The following STAG1 variants were observed in gnomAD, a reference collection of about 807,000 sequenced individuals.
STAG1 encodes cohesin subunit SA-1.
In STAG1, 26 loss-of-function variants were observed where a neutral mutation model predicts 170.9. That is an observed-to-expected ratio of 0.15 (90% CI 0.11 to 0.21). The LOEUF (loss-of-function observed/expected upper bound fraction) is 0.21, where lower values mean the gene tolerates loss of function less well. Among genes scored for constraint, STAG1 ranks in the 10% least tolerant of loss-of-function variants. STAG1 has a pLI of 1.00. For missense variants in STAG1, 964 were observed against 1,509.5 expected (o/e 0.64, Z 5.99); for synonymous variants, 514 against 497.7 (o/e 1.03, Z -0.44).
chr3:136,369,548 T>C (rs1280149920), intron 23 of STAG1, among the ~76,000 whole-genome samples: 4 of 152,156 alleles, frequency 2.6e-5, no homozygotes, highest in Non-Finnish European at 4.4e-5. Context: ...CTCATTAAGA[T>C]AGTTTGACTT....
intron 22 of STAG1, among the ~76,000 whole-genome samples, chr3:136,388,609 C>T (rs561418719): frequency 2.0e-5 from 3 of 152,082 alleles, no homozygotes; most frequent in South Asian, 4.2e-4. Context: ...CCTCCAGATC[C>T]GCCCACCTCA....
At chr3:136,562,305 G>C (rs962708342) in intron 5 of STAG1, among the ~76,000 whole-genome samples, 51 of 150,522 alleles carry the variant, frequency 3.4e-4, no homozygotes, top group African/African-American at 1.2e-3. Context: ...CTGTTGCCCA[G>C]CCTGGAGTGC....
At chr3:136,420,656 G>A (rs751070915) in intron 20 of STAG1, among the ~76,000 whole-genome samples, 4 of 152,192 alleles carry the variant, frequency 2.6e-5, no homozygotes, top group Non-Finnish European at 5.9e-5. Context: ...TCACAGGTAC[G>A]ATCATGGGCC....
intron 20 of STAG1, among the ~76,000 whole-genome samples, chr3:136,420,244 CAAAAAAAAA>C (rs71157379): frequency 5.4e-5 from 2 of 36,956 alleles, no homozygotes; most frequent in Non-Finnish European, 1.1e-4. Context: ...GAGACTCTGT[CAAAAAAAAA>C]AAAAAAAAAA....
intron 1 of STAG1, among the ~76,000 whole-genome samples, chr3:136,724,116 T>A (rs577054192): frequency 1.3e-5 from 2 of 151,622 alleles, no homozygotes; most frequent in Admixed American, 6.5e-5. Flanking sequence ...CAACAGCTCA[T>A]TGAGAACGGG....
intron 5 of STAG1, among the ~76,000 whole-genome samples, chr3:136,561,391 G>C (rs1936835359): frequency 1.3e-5 from 2 of 152,128 alleles, no homozygotes; most frequent in Admixed American, 6.5e-5. Context: ...TTTGTTGTTT[G>C]TTTTTGCCCT....
At chr3:136,736,634 C>T in intron 1 of STAG1, 6 of 1,603,400 alleles carry the variant, frequency 3.7e-6, no homozygotes, top group Non-Finnish European at 2.6e-6. Flanking sequence ...TTTTCTGCCA[C>T]TCTCTTTCCC....
chr3:136,367,152 T>C (rs1937105843), intron 24 of STAG1, 70 bp from the exon 25 acceptor site: 26 of 1,285,920 alleles, frequency 2.0e-5, no homozygotes, highest in South Asian at 3.1e-5. Flanking sequence ...AGATAATCTG[T>C]ATAATTGAAA....
intron 1 of STAG1, among the ~76,000 whole-genome samples, chr3:136,640,400 G>A (rs1243301698): frequency 1.2e-4 from 17 of 142,644 alleles, no homozygotes; most frequent in Admixed American, 2.9e-4. Flanking sequence ...ACGGAGTCTC[G>A]CTCTGTCGCC....
rs1935772370 is a variant in STAG1 at position 136,338,071 on chromosome 3, A to G, written c.*183T>C. The G allele has an allele frequency of 7.0e-6, 4 of 570,420 alleles. No homozygotes were observed. The highest frequency in any genetic ancestry group is 2.6e-5 in the South Asian group (1 of 39,194). The allele number at this position is 570,420 out of a possible 1,614,324, so 35.3% of individuals were successfully genotyped here. A position where few individuals can be genotyped will look rare whatever the true frequency, so the allele number is the denominator to read the frequency against. On this transcript the variant is annotated 3_prime_UTR_variant, in exon 34 of 34. Transcript: ENST00000383202. ...AGTCTTTCTGAGTTGACATTCACCA[A>G]CATTCCCTTGGGTAATTTACATGCT...
chr3:136,477,537 C>G (rs956259959), intron 9 of STAG1, 125 bp from the exon 10 acceptor site: 17 of 758,218 alleles, frequency 2.2e-5, no homozygotes, highest in Non-Finnish European at 3.3e-5. Context: ...TGAATGGCCT[C>G]CAACTTAAGT....
At chr3:136,640,208 T>C (rs1940737127) in intron 1 of STAG1, among the ~76,000 whole-genome samples, 1 of 152,242 alleles carries the variant, frequency 6.6e-6, no homozygotes. Flanking sequence ...AGTGGTTCAT[T>C]ATTTTGTTGA....
intron 6 of STAG1, among the ~76,000 whole-genome samples, chr3:136,533,880 TCCTAA>T (rs1451089980): frequency 6.6e-6 from 1 of 151,868 alleles, no homozygotes; most frequent in East Asian, 1.9e-4. Flanking sequence ...GAAAAAACAA[TCCTAA>T]AGTGTGCATG....
intron 21 of STAG1, among the ~76,000 whole-genome samples, chr3:136,405,780 G>C (rs1392935707): frequency 5.2e-5 from 5 of 96,542 alleles, no homozygotes; most frequent in Non-Finnish European, 1.8e-5. Context: ...GACAGAATGA[G>C]ACTCTATCTC....
intron 4 of STAG1, among the ~76,000 whole-genome samples, chr3:136,585,053 T>A (rs536644500): frequency 6.6e-6 from 1 of 152,188 alleles, no homozygotes; most frequent in Admixed American, 6.5e-5. Flanking sequence ...AAATATCAAA[T>A]AATTATATGA....
intron 4 of STAG1, among the ~76,000 whole-genome samples, chr3:136,571,999 A>G (rs1282887054): frequency 6.6e-6 from 1 of 152,044 alleles, no homozygotes; most frequent in Admixed American, 6.5e-5. Flanking sequence ...CCTGGCCAAC[A>G]TGGTAAAACC....
At chr3:136,580,723 C>T (rs1362201263) in intron 4 of STAG1, among the ~76,000 whole-genome samples, 6 of 150,086 alleles carry the variant, frequency 4.0e-5, no homozygotes, top group Middle Eastern at 3.4e-3. Flanking sequence ...TTAGTAGAGA[C>T]GGGGTTTCAC....
At chr3:136,654,582 A>C (rs1941315742) in intron 1 of STAG1, among the ~76,000 whole-genome samples, 1 of 152,220 alleles carries the variant, frequency 6.6e-6, no homozygotes, top group Non-Finnish European at 1.5e-5. Flanking sequence ...ATTCAATGCA[A>C]ACCCTTTCAA....
In STAG1 at chr3:136,692,978, T is replaced by C. The variant is rs556680785; in HGVS notation, c.-84+59217A>G. Among the ~76,000 whole-genome samples, 3 of 152,316 alleles carry C rather than the reference T, an allele frequency of 2.0e-5. No individual in the cohort carries two copies. The East Asian group carries it at 5.8e-4, about 29-fold the overall frequency. On this transcript the variant is annotated intron_variant, in intron 1 of 33. Coordinates refer to ENST00000383202, the MANE Select transcript of STAG1 (RefSeq NM_005862.3). ...AGGGAATTTTGGGAGCCAGCAGAGA[T>C]GTCTTCGGTGTGTGGGACACCGTAA...
Sources: gnomAD v4.1 joint callset for allele counts (sites outside exome capture counted in the v4.1 genomes callset) on GRCh38, gnomAD v4.1.1 for gene constraint, MANE v1.5 for transcripts, NCBI Gene and HGNC (gene_info 2026-07-23, HGNC 2026-07-21) for gene names.